Variants in PTPRM observed in about 807,000 individuals in gnomAD.
PTPRM encodes receptor-type tyrosine-protein phosphatase mu.
In PTPRM, 47 loss-of-function variants were observed where a neutral mutation model predicts 186.7. That is an observed-to-expected ratio of 0.25 (90% CI 0.20 to 0.32). PTPRM has a LOEUF of 0.32. Ranked by LOEUF, PTPRM falls within the 10% of genes least tolerant of loss-of-function variation. PTPRM has a pLI of 1.00. For missense variants in PTPRM, 1,494 were observed against 1,865.0 expected (o/e 0.80, Z 3.66); for synonymous variants, 668 against 674.9 (o/e 0.99, Z 0.16).
At chr18:8,220,255 G>A (rs1298984724) in intron 14 of PTPRM, among the ~76,000 whole-genome samples, 1 of 152,282 alleles carries the variant, frequency 6.6e-6, no homozygotes, top group Non-Finnish European at 1.5e-5. Context: ...GATGACTTCC[G>A]AACTTTAAAG....
Position 7,668,579 on chromosome 18 carries a change from G to A in PTPRM, c.73+100688G>A, listed in dbSNP as rs987429858. 6.6e-6 allele frequency among the ~76,000 whole-genome samples: 1 copy of A among 152,134 alleles called. No homozygotes were observed. The highest frequency in any genetic ancestry group is 1.5e-5 in the Non-Finnish European group (1 of 68,036). On this transcript the variant is annotated intron_variant, in intron 1 of 32. Coordinates refer to ENST00000580170, the MANE Select transcript of PTPRM (RefSeq NM_001105244.2). The surrounding 1 kb of genome is among the most constrained non-coding windows in gnomAD (Gnocchi z 4.7). The stretch of plus-strand genomic sequence containing the variant: ...GGCTGCAGTCCTCACAGTGGCCTCT[G>A]AGTCCTGCATGGCCTGGCCCCATCA...
chr18:7,670,985 T>C (rs2039205857), intron 1 of PTPRM, among the ~76,000 whole-genome samples: 1 of 152,216 alleles, frequency 6.6e-6, no homozygotes, highest in Admixed American at 6.5e-5. Context: ...TACATTTTTG[T>C]CTTTAAATTT....
chr18:8,296,116 G>A (rs2095094497), intron 19 of PTPRM, among the ~76,000 whole-genome samples: 1 of 152,202 alleles, frequency 6.6e-6, no homozygotes. Context: ...CGGTTATACA[G>A]AGAAATTGTG....
chr18:8,270,036 C>T (rs909085124), intron 19 of PTPRM: 12 of 151,686 alleles, frequency 7.9e-5, no homozygotes, highest in African/African-American at 2.4e-4. Context: ...ATGACATTTT[C>T]GATATGAAAC....
At chr18:8,230,124 AGTCT>A (rs1466522702) in intron 14 of PTPRM, among the ~76,000 whole-genome samples, 1 of 152,240 alleles carries the variant, frequency 6.6e-6, no homozygotes, top group Non-Finnish European at 1.5e-5. Flanking sequence ...AGAGTCCTTC[AGTCT>A]GTCATTTGAT....
intron 14 of PTPRM, among the ~76,000 whole-genome samples, chr18:8,224,712 G>T (rs1282228682): frequency 6.6e-6 from 1 of 152,126 alleles, no homozygotes; most frequent in East Asian, 1.9e-4. Flanking sequence ...GCATAATATG[G>T]TTCATCCCTA....
chr18:8,314,767 CT>C lies in PTPRM; in HGVS notation c.2843-10del. ...TTTTGTTAATCGTTATTTTCTGTCC[CT>C]TTTCCTTTGCAGACGATCATTCCCG... On this transcript the variant is annotated splice_polypyrimidine_tract_variant and intron_variant, in intron 20 of 32. Transcript: ENST00000580170. 1 of 1,607,884 alleles carries C rather than the reference CT, an allele frequency of 6.2e-7. No homozygotes were observed. The highest frequency in any genetic ancestry group is 8.5e-7 in the Non-Finnish European group (1 of 1,175,884).
At chr18:7,760,505 G>A (rs969750859) in intron 1 of PTPRM, among the ~76,000 whole-genome samples, 1 of 152,206 alleles carries the variant, frequency 6.6e-6, no homozygotes, top group Non-Finnish European at 1.5e-5. Flanking sequence ...GCCCTCGTGG[G>A]CTGAGAGAGC....
At chr18:7,881,880 C>T (rs1304241658) in intron 2 of PTPRM, among the ~76,000 whole-genome samples, 1 of 152,160 alleles carries the variant, frequency 6.6e-6, no homozygotes, top group East Asian at 1.9e-4. Flanking sequence ...CACTTTCCCT[C>T]TTCATTTTCT....
intron 14 of PTPRM, among the ~76,000 whole-genome samples, chr18:8,157,775 G>A (rs2093152767): frequency 6.6e-6 from 1 of 152,202 alleles, no homozygotes; most frequent in Admixed American, 6.5e-5. Context: ...AACCCCAAAT[G>A]CTTCTGAGTG....
chr18:8,184,696 C>T (rs1389248832), intron 14 of PTPRM, among the ~76,000 whole-genome samples: 1 of 152,194 alleles, frequency 6.6e-6, no homozygotes, highest in Non-Finnish European at 1.5e-5. Flanking sequence ...GAACAAATAT[C>T]ATTTTTAGGA....
chr18:7,659,051 G>A (rs1268073192), intron 1 of PTPRM, among the ~76,000 whole-genome samples: 1 of 151,450 alleles, frequency 6.6e-6, no homozygotes, highest in Non-Finnish European at 1.5e-5. Flanking sequence ...AATTGTCCCT[G>A]GTTGCTAATG....
At chr18:8,139,556 C>T (rs1278062711) in intron 13 of PTPRM, among the ~76,000 whole-genome samples, 1 of 152,190 alleles carries the variant, frequency 6.6e-6, no homozygotes. Context: ...CAGAGAGAGT[C>T]CTTCCAGCTA....
At chr18:7,862,695 C>T (rs945901625) in intron 2 of PTPRM, among the ~76,000 whole-genome samples, 2 of 152,184 alleles carry the variant, frequency 1.3e-5, no homozygotes, top group Non-Finnish European at 2.9e-5. Context: ...AATGGTGCTC[C>T]TATGATATTG....
intron 1 of PTPRM, among the ~76,000 whole-genome samples, chr18:7,694,404 G>A (rs6506526): frequency 0.043 from 6,506 of 150,412 alleles, 449 homozygotes; most frequent in African/African-American, 0.14. Context: ...AGTAGGAAAC[G>A]TAGGAAACTC....
chr18:7,948,580 G>C (rs141153549), intron 5 of PTPRM, among the ~76,000 whole-genome samples: 1 of 152,314 alleles, frequency 6.6e-6, no homozygotes, highest in East Asian at 1.9e-4. Context: ...GGGATGTAGA[G>C]AGGAACCTCT....
intron 7 of PTPRM, among the ~76,000 whole-genome samples, chr18:8,004,465 T>TA (rs907123475): frequency 0.011 from 1,548 of 141,626 alleles, 8 homozygotes; most frequent in South Asian, 0.036. Context: ...TAGTGAACTT[T>TA]AAAAAAAAAA....
At chr18:8,229,480 T>C (rs1453505470) in intron 14 of PTPRM, among the ~76,000 whole-genome samples, 1 of 152,216 alleles carries the variant, frequency 6.6e-6, no homozygotes, top group African/African-American at 2.4e-5. Context: ...TCTTAATTTT[T>C]TAGTTCTGAA....
At chr18:8,196,526 A>C (rs960976710) in intron 14 of PTPRM, among the ~76,000 whole-genome samples, 12 of 152,216 alleles carry the variant, frequency 7.9e-5, no homozygotes, top group African/African-American at 2.2e-4. Flanking sequence ...TGCACATAGC[A>C]TTTGCTGAAA....
Sources: allele counts gnomAD v4.1 joint callset (sites outside exome capture counted in the v4.1 genomes callset), GRCh38; gene constraint gnomAD v4.1.1; non-coding constraint Gnocchi (gnomAD v3.1); transcripts MANE v1.5; gene names NCBI Gene and HGNC (gene_info 2026-07-23, HGNC 2026-07-21).